Variants in UCHL3 observed in about 807,000 individuals in gnomAD.
The protein encoded by UCHL3 is ubiquitin carboxyl-terminal hydrolase isozyme L3.
A neutral mutation model predicts 35.8 loss-of-function variants in UCHL3; 22 were observed. The observed-to-expected ratio is 0.61, with a 90% CI of 0.44 to 0.88. The LOEUF is 0.88. UCHL3 is among the 40% of genes least tolerant of loss of function. UCHL3 has a pLI of 0.00. For synonymous variants in UCHL3, 90 were observed against 92.8 expected (o/e 0.97, Z 0.17); for missense variants, 229 against 276.9 (o/e 0.83, Z 1.23).
At chr13:75,557,923 T>G (rs539970211) in intron 2 of UCHL3, among the ~76,000 whole-genome samples, 9 of 144,270 alleles carry the variant, frequency 6.2e-5, no homozygotes, top group South Asian at 4.4e-4. Flanking sequence ...AAACACAGGG[T>G]TTTTTTTTTT....
chr13:75,592,380 T>C (rs1299747638), intron 6 of UCHL3, among the ~76,000 whole-genome samples: 2 of 125,838 alleles, frequency 1.6e-5, no homozygotes, highest in African/African-American at 5.7e-5. Context: ...GCCAAAATGG[T>C]GTTTGGATGT....
intron 6 of UCHL3, among the ~76,000 whole-genome samples, chr13:75,592,468 G>GTATATATGTATATAT (rs1201744829): frequency 3.0e-4 from 7 of 23,316 alleles, no homozygotes; most frequent in Admixed American, 4.8e-4. Context: ...ATATATATAT[G>GTATATATGTATATAT]AAGGAAAAAA....
chr13:75,563,859 C>A (rs1042255921), intron 3 of UCHL3, among the ~76,000 whole-genome samples: 4 of 151,280 alleles, frequency 2.6e-5, no homozygotes, highest in African/African-American at 7.3e-5. Flanking sequence ...GTATAATGTC[C>A]TTCAGGTTCA....
chr13:75,569,432 C>T (rs1380425277), intron 5 of UCHL3, 28 bp from the exon 6 acceptor site: 2 of 1,557,480 alleles, frequency 1.3e-6, no homozygotes, highest in South Asian at 1.3e-5. Context: ...GGCATTTTTT[C>T]CAATGAATAC....
intron 2 of UCHL3, among the ~76,000 whole-genome samples, chr13:75,551,758 C>T (rs948174557): frequency 1.3e-5 from 2 of 152,156 alleles, no homozygotes; most frequent in South Asian, 2.1e-4. Context: ...TAGGAACTTA[C>T]GTCCTGTGAT....
At chr13:75,580,134 A>G (rs1310639304) in intron 6 of UCHL3, among the ~76,000 whole-genome samples, 1 of 152,182 alleles carries the variant, frequency 6.6e-6, no homozygotes, top group African/African-American at 2.4e-5. Context: ...ACCATTATCC[A>G]GATTTTCCAT....
chr13:75,573,621 G>T (rs1182067644), intron 6 of UCHL3, among the ~76,000 whole-genome samples: 7 of 152,170 alleles, frequency 4.6e-5, no homozygotes, highest in African/African-American at 1.7e-4. Context: ...GGGGTGTGGA[G>T]AGAGACGGGG....
intron 3 of UCHL3, 102 bp from the exon 4 acceptor site, chr13:75,566,593 T>C (rs1453691075): frequency 6.7e-6 from 5 of 741,012 alleles, no homozygotes; most frequent in South Asian, 3.4e-5. Flanking sequence ...ACCCTTTCTT[T>C]CATAATAATA....
intron 7 of UCHL3, among the ~76,000 whole-genome samples, chr13:75,599,004 A>G (rs2032712278): frequency 6.6e-6 from 1 of 152,106 alleles, no homozygotes; most frequent in Non-Finnish European, 1.5e-5. Flanking sequence ...TTTATGCTCA[A>G]ATTACTGCAG....
At chr13:75,583,446 G>T (rs2032240410) in intron 6 of UCHL3, among the ~76,000 whole-genome samples, 2 of 152,020 alleles carry the variant, frequency 1.3e-5, no homozygotes, top group Non-Finnish European at 2.9e-5. Flanking sequence ...GATAACATTT[G>T]GGGAAAATTA....
At chr13:75,594,591 T>C (rs8192759) in intron 6 of UCHL3, among the ~76,000 whole-genome samples, 77,579 of 151,610 alleles carry the variant, frequency 0.51, 19,985 homozygotes, top group East Asian at 0.63. Flanking sequence ...TTTCATTCAG[T>C]AAGTATGCAA....
chr13:75,551,812 A>G (rs567030978), intron 2 of UCHL3, among the ~76,000 whole-genome samples: 4 of 152,354 alleles, frequency 2.6e-5, no homozygotes, highest in African/African-American at 9.6e-5. Flanking sequence ...TTGAAAAACT[A>G]TCAAACACAT....
chr13:75,583,314 T>C (rs1384285411), intron 6 of UCHL3, among the ~76,000 whole-genome samples: 1 of 152,186 alleles, frequency 6.6e-6, no homozygotes, highest in Non-Finnish European at 1.5e-5. Context: ...AGCTTTGACA[T>C]ATGGGACTCA....
intron 7 of UCHL3, among the ~76,000 whole-genome samples, chr13:75,596,452 A>G (rs183059182): frequency 6.6e-6 from 1 of 152,172 alleles, no homozygotes; most frequent in Non-Finnish European, 1.5e-5. Context: ...GGTTGCTGGA[A>G]GCAGATTTTC....
At chr13:75,561,686 G>C (rs1403266231) in intron 3 of UCHL3, among the ~76,000 whole-genome samples, 1 of 151,678 alleles carries the variant, frequency 6.6e-6, no homozygotes, top group Non-Finnish European at 1.5e-5. Context: ...AGGGTGTGTT[G>C]GGGATTATAA....
chr13:75,550,114 TC>T (rs1269599783), intron 2 of UCHL3, 127 bp downstream of exon 2: 18 of 1,466,076 alleles, frequency 1.2e-5, no homozygotes, highest in Non-Finnish European at 1.4e-5. Context: ...CCCCTCTTGT[TC>T]GGCTTTACGC....
chr13:75,599,217 T>G (rs1196239629), intron 7 of UCHL3, among the ~76,000 whole-genome samples: 1 of 151,076 alleles, frequency 6.6e-6, no homozygotes, highest in Non-Finnish European at 1.5e-5. Context: ...TTGATCCTCC[T>G]GCTTTAGCCT....
At chr13:75,560,629 A>G in intron 2 of UCHL3, 124 bp from the exon 3 acceptor site, 3 of 901,404 alleles carry the variant, frequency 3.3e-6, no homozygotes, top group South Asian at 1.9e-5. Context: ...TTATCCCTTT[A>G]TAGGTATTAG....
At chr13:75,592,415 C>T (rs1471724899) in intron 6 of UCHL3, among the ~76,000 whole-genome samples, 4 of 40,684 alleles carry the variant, frequency 9.8e-5, no homozygotes, top group East Asian at 4.7e-4. Context: ...ATTTTTCCTT[C>T]ATATATATAT....
Sources: allele counts gnomAD v4.1 joint callset (sites outside exome capture counted in the v4.1 genomes callset), GRCh38; gene constraint gnomAD v4.1.1; transcripts MANE v1.5; gene names NCBI Gene and HGNC (gene_info 2026-07-23, HGNC 2026-07-21).